Variants in CCSER1 observed in about 807,000 individuals in gnomAD.
CCSER1 encodes serine-rich coiled-coil domain-containing protein 1.
Under a neutral mutation model 82.0 loss-of-function variants are expected in CCSER1, and 41 were observed. That is an observed-to-expected ratio of 0.50 (90% CI 0.39 to 0.65). CCSER1 has a LOEUF of 0.65. CCSER1 is among the 30% of genes least tolerant of loss of function. The pLI, the probability that CCSER1 is intolerant of heterozygous loss-of-function variation, is 0.00. For missense variants in CCSER1, 1,119 were observed against 1,064.2 expected, an observed-to-expected ratio of 1.05 and a Z score of -0.72; for synonymous variants, 414 against 383.9, an observed-to-expected ratio of 1.08 and a Z score of -0.92.
chr4:91,184,957 C>A (rs866966548), intron 10 of CCSER1, among the ~76,000 whole-genome samples: 4 of 152,190 alleles, frequency 2.6e-5, no homozygotes, highest in Non-Finnish European at 5.9e-5. Flanking sequence ...GGTTGTCCAT[C>A]GGGCCCTTCA....
chr4:91,297,607 G>A (rs1472458320), intron 10 of CCSER1, among the ~76,000 whole-genome samples: 1 of 151,822 alleles, frequency 6.6e-6, no homozygotes, highest in Admixed American at 6.6e-5. Context: ...AATGAAGTAG[G>A]GCCAAAAGTC....
chr4:90,304,293 A>T (rs1733779486), intron 1 of CCSER1, among the ~76,000 whole-genome samples: 1 of 152,226 alleles, frequency 6.6e-6, no homozygotes, highest in Admixed American at 6.5e-5. Flanking sequence ...CCATCCCATT[A>T]CTGGGTATAT....
chr4:90,261,978 G>A (rs1193637142), intron 1 of CCSER1, among the ~76,000 whole-genome samples: 1 of 151,636 alleles, frequency 6.6e-6, no homozygotes, highest in East Asian at 1.9e-4. Context: ...CTATCTGTCT[G>A]GAAACTTTTT....
Position 91,140,457 on chromosome 4 carries a change from T to TA in CCSER1, c.2217+54469dup, listed in dbSNP as rs57636251. Among the ~76,000 whole-genome samples, 372 of 152,240 alleles carry TA rather than the reference T, an allele frequency of 2.4e-3. 2 individuals carry two copies. The highest frequency in any genetic ancestry group is 8.7e-3 in the African/African-American group (360 of 41,588). ...AGAATAACTTTTAAAAGCTGTTTTT[T>TA]AAAAAATACTTAATATTTTGGCTAT... is the stretch of plus-strand genomic sequence containing the variant. On this transcript the variant is annotated intron_variant, in intron 10 of 10. Transcript: ENST00000509176.
At chr4:91,208,499 C>T (rs1736533640) in intron 10 of CCSER1, among the ~76,000 whole-genome samples, 1 of 151,828 alleles carries the variant, frequency 6.6e-6, no homozygotes, top group Non-Finnish European at 1.5e-5. Context: ...TTCCCTATTG[C>T]TTGCTTTTGC....
intron 10 of CCSER1, among the ~76,000 whole-genome samples, chr4:91,541,840 A>T (rs893186519): frequency 6.6e-6 from 1 of 152,132 alleles, no homozygotes; most frequent in African/African-American, 2.4e-5. Flanking sequence ...TTACAGTCCC[A>T]CCAACAGTGT....
intron 1 of CCSER1, among the ~76,000 whole-genome samples, chr4:90,191,038 T>C (rs1735517264): frequency 6.6e-6 from 1 of 151,920 alleles, no homozygotes; most frequent in South Asian, 2.1e-4. Flanking sequence ...TCTAAAAATA[T>C]TTAAGGAACT....
At chr4:90,480,942 G>A (rs1425567952) in intron 5 of CCSER1, among the ~76,000 whole-genome samples, 1 of 152,142 alleles carries the variant, frequency 6.6e-6, no homozygotes, top group Non-Finnish European at 1.5e-5. Flanking sequence ...GATGGGGATG[G>A]CATTGAATCT....
At chr4:91,181,670 C>T (rs1734043109) in intron 10 of CCSER1, among the ~76,000 whole-genome samples, 1 of 152,170 alleles carries the variant, frequency 6.6e-6, no homozygotes, top group Non-Finnish European at 1.5e-5. Flanking sequence ...TAAACATCCC[C>T]TTAGGGGACC....
At chr4:91,477,726 C>A (rs1757670453) in intron 10 of CCSER1, among the ~76,000 whole-genome samples, 1 of 151,624 alleles carries the variant, frequency 6.6e-6, no homozygotes, top group Admixed American at 6.6e-5. Flanking sequence ...AGGATTTTAT[C>A]TTTCACTTGT....
intron 10 of CCSER1, among the ~76,000 whole-genome samples, chr4:91,391,504 T>C (rs1479882889): frequency 6.6e-6 from 1 of 152,140 alleles, no homozygotes; most frequent in African/African-American, 2.4e-5. Context: ...TGTCCCTATG[T>C]TGCCCAGGCT....
chr4:91,092,697 G>C (rs896842777), intron 10 of CCSER1, among the ~76,000 whole-genome samples: 1 of 152,102 alleles, frequency 6.6e-6, no homozygotes, highest in Non-Finnish European at 1.5e-5. Flanking sequence ...TCTTCCATCT[G>C]GTAACTGTAT....
chr4:91,454,146 T>C (rs1356912120), intron 10 of CCSER1, among the ~76,000 whole-genome samples: 2 of 152,082 alleles, frequency 1.3e-5, no homozygotes, highest in Non-Finnish European at 2.9e-5. Flanking sequence ...TTGTAAAACA[T>C]TGTCACACAC....
intron 9 of CCSER1, among the ~76,000 whole-genome samples, chr4:91,056,127 C>T (rs1743423772): frequency 6.6e-6 from 1 of 152,022 alleles, no homozygotes; most frequent in Non-Finnish European, 1.5e-5. Context: ...GTTCTTTGAG[C>T]ATCTTTAAGG....
intron 4 of CCSER1, among the ~76,000 whole-genome samples, chr4:90,407,116 C>T (rs535953715): frequency 2.4e-4 from 37 of 152,066 alleles, no homozygotes; most frequent in Middle Eastern, 3.4e-3. Context: ...AGACCATTAG[C>T]GAGATTAACC....
chr4:90,259,524 G>A (rs993724495), intron 1 of CCSER1, among the ~76,000 whole-genome samples: 3 of 152,062 alleles, frequency 2.0e-5, no homozygotes, highest in Non-Finnish European at 4.4e-5. Flanking sequence ...TAGAAATGGT[G>A]AAAGTGGGCA....
intron 10 of CCSER1, among the ~76,000 whole-genome samples, chr4:91,233,861 A>T (rs1309672248): frequency 6.6e-6 from 1 of 151,946 alleles, no homozygotes; most frequent in African/African-American, 2.4e-5. Context: ...CGAATAAAAA[A>T]TATAAGTCTT....
intron 7 of CCSER1, among the ~76,000 whole-genome samples, chr4:90,805,372 G>A (rs555007825): frequency 6.6e-6 from 1 of 152,174 alleles, no homozygotes; most frequent in African/African-American, 2.4e-5. Flanking sequence ...TGGGAGCTCA[G>A]TGAAGCTGTC....
chr4:90,318,713 T>A (rs554643767), intron 3 of CCSER1, among the ~76,000 whole-genome samples: 1 of 152,366 alleles, frequency 6.6e-6, no homozygotes, highest in African/African-American at 2.4e-5. Flanking sequence ...ACTATTCATT[T>A]ACTTTTCTTC....
Sources: gnomAD v4.1 joint callset for allele counts (sites outside exome capture counted in the v4.1 genomes callset) on GRCh38, gnomAD v4.1.1 for gene constraint, MANE v1.5 for transcripts, NCBI Gene and HGNC (gene_info 2026-07-23, HGNC 2026-07-21) for gene names.